Variants in ATP10A observed in about 807,000 individuals in gnomAD.
ATP10A encodes the protein phospholipid-transporting ATPase VA.
Under a neutral mutation model 147.8 loss-of-function variants are expected in ATP10A, and 111 were observed. The ratio of observed to expected loss-of-function variants is 0.75; its 90% CI spans 0.64 to 0.88. The LOEUF (loss-of-function observed/expected upper bound fraction) is 0.88, where lower values mean the gene tolerates loss of function less well. Among genes scored for constraint, ATP10A ranks in the 40% least tolerant of loss-of-function variants. ATP10A has a pLI of 0.00. For missense variants in ATP10A, 1,927 were observed against 1,959.0 expected, an observed-to-expected ratio of 0.98 and a Z score of 0.31; for synonymous variants, 875 against 841.6, an observed-to-expected ratio of 1.04 and a Z score of -0.69.
At chr15:25,831,609 A>G (rs1462935227) in intron 1 of ATP10A, among the ~76,000 whole-genome samples, 1 of 152,150 alleles carries the variant, frequency 6.6e-6, no homozygotes, top group Non-Finnish European at 1.5e-5. Flanking sequence ...CTGAGTTTCT[A>G]TCTGTCCACA....
intron 2 of ATP10A, among the ~76,000 whole-genome samples, chr15:25,768,923 G>A (rs904733147): frequency 3.3e-5 from 5 of 152,160 alleles, no homozygotes; most frequent in African/African-American, 9.6e-5. Context: ...TATTGCTTCC[G>A]TAGAAATTAT....
Position 25,694,818 on chromosome 15 carries a change from C to T in ATP10A, c.3088+1G>A, listed in dbSNP as rs890948642. The T allele has an allele frequency of 1.2e-6, 2 of 1,601,992 alleles. No homozygotes were observed. The highest frequency in any genetic ancestry group is 2.2e-5 in the East Asian group (1 of 44,648). On this transcript the variant is annotated splice_donor_variant, in intron 14 of 20. Coordinates refer to ENST00000555815, the MANE Select transcript of ATP10A (RefSeq NM_024490.4). LOFTEE classifies it high-confidence loss of function. ...GCCGTCTGGCCAGCTGGGATACTTG[C>T]CTATGGCCAGGGTCATGGCCTTGAG... is the stretch of plus-strand genomic sequence containing the variant.
intron 3 of ATP10A, among the ~76,000 whole-genome samples, chr15:25,731,673 G>A (rs1181604831): frequency 2.0e-5 from 3 of 152,134 alleles, no homozygotes; most frequent in African/African-American, 7.2e-5. Flanking sequence ...AGAAGGTGGG[G>A]AACGATGTTA....
At chr15:25,732,877 G>A (rs756900247) in intron 3 of ATP10A, among the ~76,000 whole-genome samples, 37 of 152,006 alleles carry the variant, frequency 2.4e-4, no homozygotes, top group Non-Finnish European at 4.4e-4. Flanking sequence ...AATTCATGTT[G>A]TACTTCACTT....
At chr15:25,711,762 T>C (rs1482042863) in intron 10 of ATP10A, among the ~76,000 whole-genome samples, 2 of 152,200 alleles carry the variant, frequency 1.3e-5, no homozygotes, top group African/African-American at 2.4e-5. Flanking sequence ...TACCTGGTTA[T>C]GGGAAGCTCC....
At chr15:25,753,293 C>G (rs1427942132) in intron 2 of ATP10A, among the ~76,000 whole-genome samples, 3 of 152,152 alleles carry the variant, frequency 2.0e-5, no homozygotes, top group Non-Finnish European at 2.9e-5. Flanking sequence ...CTCTCAGCTT[C>G]TGAGTATGAT....
At chr15:25,805,037 A>C (rs942322394) in intron 1 of ATP10A, among the ~76,000 whole-genome samples, 1 of 152,208 alleles carries the variant, frequency 6.6e-6, no homozygotes, top group Non-Finnish European at 1.5e-5. Flanking sequence ...CATTGCCAGA[A>C]TGGGACCTGT....
chr15:25,839,495 T>C (rs1009792072), intron 1 of ATP10A, among the ~76,000 whole-genome samples: 1 of 151,746 alleles, frequency 6.6e-6, no homozygotes, highest in African/African-American at 2.4e-5. Flanking sequence ...AAGATCTTCA[T>C]CTCTGCTGGA....
chr15:25,779,622 A>G (rs1889796765), intron 2 of ATP10A, among the ~76,000 whole-genome samples: 1 of 152,094 alleles, frequency 6.6e-6, no homozygotes, highest in African/African-American at 2.4e-5. Flanking sequence ...GATGGGGCCC[A>G]CACCTATCAC....
intron 2 of ATP10A, among the ~76,000 whole-genome samples, chr15:25,752,137 A>G (rs1055397123): frequency 1.3e-5 from 2 of 152,200 alleles, no homozygotes; most frequent in African/African-American, 4.8e-5. Flanking sequence ...GAATTACCAT[A>G]TGAACCAACA....
At chr15:25,789,373 C>T (rs1890307436) in intron 1 of ATP10A, among the ~76,000 whole-genome samples, 1 of 152,126 alleles carries the variant, frequency 6.6e-6, no homozygotes, top group African/African-American at 2.4e-5. Flanking sequence ...GGCCAACTAA[C>T]AGGAGAAGTG....
rs141528082 is a variant in ATP10A at position 25,679,566 on chromosome 15, G to A, written c.4275C>T (p.Pro1425=). The A allele has an allele frequency of 1.9e-6, 3 of 1,611,522 alleles. No individual in the cohort carries two copies. The highest frequency in any genetic ancestry group is 2.5e-6 in the Non-Finnish European group (3 of 1,178,066). The change falls in exon 21 of 21, where the codon CCC becomes CCT. Residue 1425 remains proline (P), a synonymous_variant. Coordinates refer to ENST00000555815, the MANE Select transcript of ATP10A (RefSeq NM_024490.4). ...VRAASTGRVT[P]LSSLFSLPTF... Reference sequence around the variant, plus strand: ...TAGGCAGGCTGAAGAGGGAAGACAGGGGGGTCACCCTGCCGGTGCTGGCAG... The same window carrying A: ...TAGGCAGGCTGAAGAGGGAAGACAGAGGGGTCACCCTGCCGGTGCTGGCAG...
intron 1 of ATP10A, among the ~76,000 whole-genome samples, chr15:25,856,945 T>C (rs1173410520): frequency 1.3e-5 from 2 of 152,104 alleles, no homozygotes; most frequent in Non-Finnish European, 2.9e-5. Flanking sequence ...TAACCCAATT[T>C]CTTCAAAATA....
chr15:25,680,764 C>T (rs377624452), intron 19 of ATP10A, 46 bp downstream of exon 19: 69 of 1,540,786 alleles, frequency 4.5e-5, no homozygotes, highest in South Asian at 1.6e-4. Context: ...GTGGGGTCCA[C>T]GGCATCAGTG....
intron 1 of ATP10A, among the ~76,000 whole-genome samples, chr15:25,788,403 G>A (rs1890267280): frequency 6.6e-6 from 1 of 152,216 alleles, no homozygotes; most frequent in South Asian, 2.1e-4. Flanking sequence ...GATCGCTACA[G>A]TCTCCCCCAG....
intron 2 of ATP10A, among the ~76,000 whole-genome samples, chr15:25,754,681 T>C (rs1888326693): frequency 6.6e-6 from 1 of 152,176 alleles, no homozygotes; most frequent in South Asian, 2.1e-4. Context: ...GGATCCCTAA[T>C]TTCTCAAGCT....
intron 1 of ATP10A, among the ~76,000 whole-genome samples, chr15:25,842,421 T>G (rs1038626831): frequency 1.3e-5 from 2 of 152,126 alleles, no homozygotes; most frequent in Non-Finnish European, 2.9e-5. Flanking sequence ...CTTTTACTGT[T>G]TCTTGTTAAA....
At chr15:25,829,607 A>G (rs545246956) in intron 1 of ATP10A, among the ~76,000 whole-genome samples, 58 of 152,334 alleles carry the variant, frequency 3.8e-4, no homozygotes, top group Middle Eastern at 6.8e-3. Flanking sequence ...GACTGTAGTA[A>G]GATAAACAGA....
rs1257125200 is a variant in ATP10A, at chr15:25,679,818, C to G, written c.4023G>C (p.Gly1341=). 1 of 1,612,278 alleles carries G rather than the reference C, an allele frequency of 6.2e-7. No homozygotes were observed. The highest frequency in any genetic ancestry group is 1.7e-5 in the Admixed American group (1 of 60,012). Reference sequence around the variant, plus strand: ...GGGGCACAGAGGTCTTGACTGTCCTCCCTGATGAGTGCTCGGTTCCCGAGT... The same window carrying G: ...GGGGCACAGAGGTCTTGACTGTCCTGCCTGATGAGTGCTCGGTTCCCGAGT... ...PKDSGTEHSS[G]RTVKTSVPLS... is the part of the protein sequence containing the mutation. The change falls in exon 21 of 21, where the codon GGG becomes GGC. Residue 1341 remains glycine (G), a synonymous_variant. Coordinates refer to ENST00000555815, the MANE Select transcript of ATP10A (RefSeq NM_024490.4).
Sources: allele counts gnomAD v4.1 joint callset (sites outside exome capture counted in the v4.1 genomes callset), GRCh38; gene constraint gnomAD v4.1.1; transcripts MANE v1.5; gene names NCBI Gene and HGNC (gene_info 2026-07-23, HGNC 2026-07-21).